Variants in DNAH9 observed in about 807,000 individuals in gnomAD.
DNAH9 encodes the protein DNAH9 variant protein.
DNAH9 carries 345 observed loss-of-function variants against 471.6 expected under a neutral mutation model. The observed-to-expected ratio is 0.73, with a 90% confidence interval of 0.67 to 0.80. DNAH9 has a LOEUF of 0.80. DNAH9 is among the 30% of genes least tolerant of loss of function. DNAH9 has a pLI of 0.00. For missense variants in DNAH9, 5,407 were observed against 5,609.2 expected, an observed-to-expected ratio of 0.96 and a Z score of 1.15; for synonymous variants, 2,093 against 2,123.6, an observed-to-expected ratio of 0.99 and a Z score of 0.40.
chr17:11,886,946 T>C lies in DNAH9; in HGVS notation c.11093T>C (p.Met3698Thr), dbSNP rs1253826832. 1.9e-6 allele frequency: 3 copies of C among 1,610,384 alleles called. No homozygotes were observed. The highest frequency in any genetic ancestry group is 1.1e-5 in the South Asian group (1 of 89,842). Residue 3698 changes from methionine (M) to threonine (T), a missense_variant, in exon 57 of 69, where the codon ATG (methionine) becomes ACG (threonine). This residue lies in a region of DNAH9 where 4,636 missense variants were observed against 4,900.3 expected (regional missense o/e 0.95). Transcript: ENST00000262442. The part of the protein sequence containing the change: ...IMNDLSKIHP[M>T]YQFSLKAFSI... ...AACGACCTCAGCAAGATCCATCCAA[T>C]GTACCAGTTTTCTCTCAAGGTGACT...
rs142606508 is a variant in DNAH9 at position 11,819,251 on chromosome 17, T to C, written c.8708-2669T>C. On this transcript the variant is annotated intron_variant, in intron 45 of 68. Coordinates refer to ENST00000262442, the MANE Select transcript of DNAH9 (RefSeq NM_001372.4). Reference sequence around the variant, plus strand: ...TGATCTAATTATATATTTAGAAATATTGAGTTCATGGAGGGATGATGAGGT... The same window carrying C: ...TGATCTAATTATATATTTAGAAATACTGAGTTCATGGAGGGATGATGAGGT... 5.6e-4 allele frequency among the ~76,000 whole-genome samples: 85 copies of C among 152,308 alleles called. No homozygotes were observed. In the East Asian group the frequency reaches 9.6e-3, roughly 17 times the overall value.
chr17:11,831,386 C>T (rs1970680263), intron 48 of DNAH9, among the ~76,000 whole-genome samples: 1 of 152,012 alleles, frequency 6.6e-6, no homozygotes, highest in African/African-American at 2.4e-5. Context: ...ATAACCAGCT[C>T]TCAAGGGAAC....
intron 26 of DNAH9, among the ~76,000 whole-genome samples, chr17:11,713,564 TG>T (rs2074910105): frequency 6.6e-6 from 1 of 152,110 alleles, no homozygotes; most frequent in Admixed American, 6.5e-5. Flanking sequence ...ACCAGGTTAA[TG>T]GTGTCTTTTG....
chr17:11,698,134 TTA>T (rs58935711), intron 22 of DNAH9, among the ~76,000 whole-genome samples: 2 of 134,374 alleles, frequency 1.5e-5, no homozygotes, highest in Non-Finnish European at 3.1e-5. Context: ...TAATATATAA[TTA>T]TATATTAGTA....
In DNAH9 at chr17:11,796,898, T is replaced by C. The variant is rs184684110; in HGVS notation, c.8224-699T>C. On this transcript the variant is annotated intron_variant, in intron 42 of 68. Coordinates refer to ENST00000262442, the MANE Select transcript of DNAH9 (RefSeq NM_001372.4). ...TATTGGTGAAGAGACGCAGACTCCT[T>C]ATCCTTCAAATGAATTGAGTTATAC... 3.9e-5 allele frequency among the ~76,000 whole-genome samples: 6 copies of C among 152,322 alleles called. No homozygotes were observed. In the East Asian group the frequency reaches 1.2e-3, roughly 29 times the overall value.
Position 11,690,439 on chromosome 17 carries a change from A to G in DNAH9, c.4614+3A>G. On this transcript the variant is annotated splice_donor_region_variant and intron_variant, in intron 20 of 68. Coordinates refer to ENST00000262442, the MANE Select transcript of DNAH9 (RefSeq NM_001372.4). ...ATATTCGGGCACAGCTACCCCAGGTACCTGCTAAGGAAATCTAGAATCTCT... is the reference window on the plus strand; with the variant it reads ...ATATTCGGGCACAGCTACCCCAGGTGCCTGCTAAGGAAATCTAGAATCTCT... The G allele has an allele frequency of 6.2e-7, 1 of 1,611,512 alleles. No individual in the cohort carries two copies. Among genetic ancestry groups the G allele is most frequent in the Non-Finnish European group, 8.5e-7 (1 of 1,178,208 alleles).
intron 67 of DNAH9, among the ~76,000 whole-genome samples, chr17:11,956,283 A>C (rs1433096085): frequency 6.6e-6 from 1 of 152,220 alleles, no homozygotes; most frequent in Non-Finnish European, 1.5e-5. Context: ...CAATTTTTCA[A>C]GAGGATATAA....
At chr17:11,714,763 A>G (rs950505127) in intron 26 of DNAH9, among the ~76,000 whole-genome samples, 1 of 152,196 alleles carries the variant, frequency 6.6e-6, no homozygotes, top group Non-Finnish European at 1.5e-5. Context: ...TTGACATGCC[A>G]TAGCTGGTTT....
At chr17:11,869,000 T>C in intron 50 of DNAH9, 134 bp from the exon 51 acceptor site, 1 of 1,074,688 alleles carries the variant, frequency 9.3e-7, no homozygotes, top group Non-Finnish European at 1.3e-6. Flanking sequence ...TCTGCCCTGC[T>C]TTCCCTGGTC....
Position 11,784,422 on chromosome 17 carries a change from C to A in DNAH9, c.7944C>A (p.Ile2648=). 6.2e-7 allele frequency: 1 copy of A among 1,614,194 alleles called. No individual in the cohort carries two copies. The highest frequency in any genetic ancestry group is 8.5e-7 in the Non-Finnish European group (1 of 1,180,034). The stretch of plus-strand genomic sequence containing the variant: ...TCCCGGCGTCCCTGCAGAAATCCAT[C>A]CCCCCACTGATCGATCTGGCCCTCG... ...GNFPASLQKS[I]PPLIDLALAF... The change falls in exon 41 of 69, where the codon ATC becomes ATA. Residue 2648 remains isoleucine, a synonymous_variant. Coordinates refer to ENST00000262442, the MANE Select transcript of DNAH9 (RefSeq NM_001372.4).
chr17:11,719,270 G>C (rs1041444407), intron 26 of DNAH9, 64 bp from the exon 27 acceptor site: 3 of 1,525,766 alleles, frequency 2.0e-6, no homozygotes, highest in Non-Finnish European at 2.7e-6. Context: ...ACATGGCCTT[G>C]AGCCTTAGTC....
chr17:11,699,649 C>T, intron 22 of DNAH9, 82 bp from the exon 23 acceptor site: 1 of 1,269,146 alleles, frequency 7.9e-7, no homozygotes, highest in Non-Finnish European at 1.1e-6. Flanking sequence ...CAATGATTGC[C>T]ACATGGTAGG....
At chr17:11,622,257 G>C (rs374002114) in intron 6 of DNAH9, among the ~76,000 whole-genome samples, 1 of 152,176 alleles carries the variant, frequency 6.6e-6, no homozygotes, top group Admixed American at 6.5e-5. Flanking sequence ...GAGAAAATGC[G>C]TGAGAGAGAA....
intron 61 of DNAH9, among the ~76,000 whole-genome samples, chr17:11,906,717 G>A (rs531876616): frequency 6.6e-6 from 1 of 151,958 alleles, no homozygotes; most frequent in South Asian, 2.1e-4. Flanking sequence ...GTCCTTTTCA[G>A]GGATGTGAAT....
intron 24 of DNAH9, among the ~76,000 whole-genome samples, chr17:11,703,048 G>A (rs1477374008): frequency 2.0e-5 from 3 of 149,838 alleles, no homozygotes; most frequent in African/African-American, 7.5e-5. Flanking sequence ...AGCTGAGATC[G>A]TGCCACTGCA....
intron 43 of DNAH9, among the ~76,000 whole-genome samples, chr17:11,805,995 G>A (rs1403174401): frequency 1.3e-5 from 2 of 152,142 alleles, no homozygotes; most frequent in Admixed American, 1.3e-4. Flanking sequence ...GCCTCCCAAA[G>A]TGCTGGGATT....
intron 68 of DNAH9, among the ~76,000 whole-genome samples, chr17:11,968,521 C>T (rs1435860533): frequency 1.3e-5 from 2 of 152,192 alleles, no homozygotes; most frequent in South Asian, 2.1e-4. Context: ...GAGAAAGGTC[C>T]TGTGGTCAAA....
chr17:11,681,645 G>T (rs2074135803), intron 19 of DNAH9, among the ~76,000 whole-genome samples: 1 of 152,108 alleles, frequency 6.6e-6, no homozygotes, highest in South Asian at 2.1e-4. Flanking sequence ...TTCCTTTCTT[G>T]CTGGGTCTCC....
At chr17:11,742,639 A>G (rs2075449244) in intron 30 of DNAH9, among the ~76,000 whole-genome samples, 1 of 152,202 alleles carries the variant, frequency 6.6e-6, no homozygotes, top group Non-Finnish European at 1.5e-5. Context: ...GAAGGGGCAT[A>G]GATGAGGAGG....
Sources: allele counts gnomAD v4.1 joint callset (sites outside exome capture counted in the v4.1 genomes callset), GRCh38; gene constraint gnomAD v4.1.1; regional missense constraint gnomAD v4.1.1; transcripts MANE v1.5; gene names NCBI Gene and HGNC (gene_info 2026-07-23, HGNC 2026-07-21).